GON4L: variants seen among roughly 807,000 people sequenced by gnomAD.
GON4L encodes gon-4 like, also known as GON-4-like protein.
In GON4L, 87 loss-of-function variants were observed where a neutral mutation model predicts 211.8. That is an observed-to-expected ratio of 0.41 (90% CI 0.35 to 0.49). The LOEUF is 0.49. GON4L is among the 20% of genes least tolerant of loss of function. The pLI is 0.15. For synonymous variants in GON4L, 875 were observed against 962.6 expected (o/e 0.91, Z 1.68); for missense variants, 2,155 against 2,659.5 (o/e 0.81, Z 4.17).
In GON4L at chr1:155,765,932, T is replaced by G; in HGVS notation, c.3541A>C (p.Thr1181Pro). The G allele has an allele frequency of 6.2e-7, 1 of 1,614,062 alleles. No homozygotes were observed. The highest frequency in any genetic ancestry group is 8.5e-7 in the Non-Finnish European group (1 of 1,180,000). The change falls in exon 21 of 32, where the codon ACT (threonine) becomes CCT (proline). Residue 1181 changes from threonine to proline, a missense_variant. Thr to Pro is a conservative substitution (Grantham distance 38). Transcript: ENST00000368331. ...GAAGTAGGGTTAACCAAGAGGGTAG[T>G]GATGGGAATAGTCTGGGGACTCTGG... The part of the protein sequence containing the change: ...VAQSPQTIPI[T>P]TLLVNPTSFP...
At chr1:155,763,709 A>G in intron 21 of GON4L, 145 bp from the exon 22 acceptor site, 1 of 754,220 alleles carries the variant, frequency 1.3e-6, no homozygotes. Flanking sequence ...GAGTTATGAA[A>G]TCCCAGCAAT....
intron 4 of GON4L, among the ~76,000 whole-genome samples, 161 bp downstream of exon 4, chr1:155,822,125 G>A (rs1668790483): frequency 6.6e-6 from 1 of 152,184 alleles, no homozygotes; most frequent in African/African-American, 2.4e-5. Context: ...AGTGCAAGGA[G>A]AAAGCTATCT....
At chr1:155,818,996 TCAAAA>T (rs1407933326) in intron 6 of GON4L, among the ~76,000 whole-genome samples, 1 of 149,108 alleles carries the variant, frequency 6.7e-6, no homozygotes, top group Non-Finnish European at 1.5e-5. Context: ...AGACTCCATC[TCAAAA>T]CAAAAAGGCC....
chr1:155,749,891 T>C lies in GON4L; in HGVS notation c.*693A>G. The C allele has an allele frequency of 1.9e-6, 3 of 1,596,934 alleles. No homozygotes were observed. The highest frequency in any genetic ancestry group is 2.6e-6 in the Non-Finnish European group (3 of 1,170,178). On this transcript the variant is annotated 3_prime_UTR_variant, in exon 32 of 32. Transcript: ENST00000368331. ...AGTCCCAGGGCAGAATAATCATCCA[T>C]CTACAGGTCTCTGTTTCCTCTCCCT...
chr1:155,854,310 C>T (rs1197529701), intron 1 of GON4L, among the ~76,000 whole-genome samples: 4 of 152,266 alleles, frequency 2.6e-5, no homozygotes, highest in Admixed American at 6.5e-5. Context: ...GCACCACCTA[C>T]GCCTGGCTAA....
In GON4L at chr1:155,840,938, G is replaced by A. The variant is rs569361804; in HGVS notation, c.505+12338C>T. ...TAATCCCAGCTACTCGGGAGGCTGA[G>A]GCAGGGGAATCGCTTGAACCCGGGA... On this transcript the variant is annotated intron_variant, in intron 2 of 31. Coordinates refer to ENST00000368331, the MANE Select transcript of GON4L (RefSeq NM_001282860.2). Among the ~76,000 whole-genome samples, 190 of 152,306 alleles carry A rather than the reference G, an allele frequency of 1.2e-3. 1 individual carries two copies. The highest frequency in any genetic ancestry group is 4.4e-3 in the African/African-American group (183 of 41,560).
rs1450172426 is a variant in GON4L, at chr1:155,823,750, G to A, written c.698-1274C>T. ...TCTCTACTGAAAATACAAATTAGCCGGGCATGGTGGTGTGTCCCTGTAATC... is the reference window on the plus strand; with the variant it reads ...TCTCTACTGAAAATACAAATTAGCCAGGCATGGTGGTGTGTCCCTGTAATC... On this transcript the variant is annotated intron_variant, in intron 3 of 31. Coordinates refer to ENST00000368331, the MANE Select transcript of GON4L (RefSeq NM_001282860.2). Among the ~76,000 whole-genome samples, 3 of 151,792 alleles carry A rather than the reference G, an allele frequency of 2.0e-5. No individual in the cohort carries two copies. In the South Asian group the frequency reaches 6.3e-4, roughly 32 times the overall value.
chr1:155,850,805 C>T (rs1431177653), intron 2 of GON4L, among the ~76,000 whole-genome samples: 1 of 151,856 alleles, frequency 6.6e-6, no homozygotes, highest in Non-Finnish European at 1.5e-5. Flanking sequence ...AATCCTAGCA[C>T]TTTGGGAGGC....
Position 155,832,074 on chromosome 1 carries a change from A to C in GON4L, c.506-5046T>G, listed in dbSNP as rs151182920. The stretch of plus-strand genomic sequence containing the variant: ...TGGATCACTTGAGATCAGGAGTTCA[A>C]GACCAGCCTGGCCAACATGGCGAAA... On this transcript the variant is annotated intron_variant, in intron 2 of 31. Transcript: ENST00000368331. Among the ~76,000 whole-genome samples the C allele has an allele frequency of 8.3e-3, 1,255 of 152,046 alleles. 22 individuals are homozygous for C. Among genetic ancestry groups the C allele is most frequent in the African/African-American group, 0.029 (1,199 of 41,484 alleles).
intron 10 of GON4L, among the ~76,000 whole-genome samples, chr1:155,806,797 G>T (rs1406220078): frequency 6.6e-6 from 1 of 152,104 alleles, no homozygotes; most frequent in Admixed American, 6.6e-5. Context: ...TTTCCACTGT[G>T]GGGCAATTAA....
intron 10 of GON4L, among the ~76,000 whole-genome samples, chr1:155,808,111 A>C (rs965150797): frequency 6.6e-6 from 1 of 151,418 alleles, no homozygotes; most frequent in Non-Finnish European, 1.5e-5. Context: ...ATCTCAGCTC[A>C]CTGCAACCTC....
intron 2 of GON4L, among the ~76,000 whole-genome samples, chr1:155,838,765 G>A (rs1460567026): frequency 7.0e-6 from 1 of 143,544 alleles, no homozygotes; most frequent in Non-Finnish European, 1.5e-5. Flanking sequence ...GTGAGACTCT[G>A]TCTCAAAAAA....
chr1:155,773,285 T>A (rs1056025124), intron 17 of GON4L, 75 bp from the exon 18 acceptor site: 24 of 1,561,338 alleles, frequency 1.5e-5, no homozygotes, highest in African/African-American at 2.7e-5. Context: ...TGAATGCATT[T>A]TTGCATTTAG....
At chr1:155,777,569 A>T in intron 15 of GON4L, 53 bp downstream of exon 15, 105 of 1,222,146 alleles carry the variant, frequency 8.6e-5, no homozygotes, top group Non-Finnish European at 1.2e-4. Flanking sequence ...ACAGAGCCAG[A>T]CTCTGTCTCA....
At chr1:155,809,983 T>C (rs56158551) in intron 10 of GON4L, among the ~76,000 whole-genome samples, 33,437 of 49,212 alleles carry the variant, frequency 0.68, 10,504 homozygotes, top group Middle Eastern at 0.89. Flanking sequence ...AAATTATATA[T>C]ATATATAATT....
At chr1:155,834,357 T>A (rs1230656830) in intron 2 of GON4L, among the ~76,000 whole-genome samples, 1 of 152,222 alleles carries the variant, frequency 6.6e-6, no homozygotes, top group Non-Finnish European at 1.5e-5. Context: ...GTTATCTTCT[T>A]CCTCAAGGCA....
At chr1:155,847,577 C>CTA (rs1468794222) in intron 2 of GON4L, among the ~76,000 whole-genome samples, 1 of 152,116 alleles carries the variant, frequency 6.6e-6, no homozygotes, top group African/African-American at 2.4e-5. Context: ...TAGCGGGTAC[C>CTA]TATAACCCCA....
At position 155,815,980 on chromosome 1, in the gene GON4L, G is replaced by C; in HGVS notation, c.1066-80C>G. On this transcript the variant is annotated intron_variant, in intron 7 of 31. Coordinates refer to ENST00000368331, the MANE Select transcript of GON4L (RefSeq NM_001282860.2). ...ATTTGGAAAATAAGGGGAAGAAGCA[G>C]GGCAGAAAAAAAAAAAATCCTAAGA... The C allele has an allele frequency of 3.3e-6, 3 of 908,316 alleles. No homozygotes were observed. In the South Asian group the frequency reaches 4.2e-5, roughly 13 times the overall value. 56.3% of individuals were successfully genotyped at this position (908,316 alleles called of 1,614,324 possible).
intron 21 of GON4L, among the ~76,000 whole-genome samples, chr1:155,764,220 G>A (rs1313457283): frequency 1.3e-5 from 2 of 151,492 alleles, no homozygotes; most frequent in Admixed American, 1.3e-4. Context: ...CCCGGTTCAA[G>A]CAATTCTCCT....
Sources: gnomAD v4.1 joint callset for allele counts (sites outside exome capture counted in the v4.1 genomes callset) on GRCh38, gnomAD v4.1.1 for gene constraint, MANE v1.5 for transcripts, NCBI Gene and HGNC (gene_info 2026-07-23, HGNC 2026-07-21) for gene names.